Variants in EXOC6B observed in about 807,000 individuals in gnomAD.
EXOC6B encodes the protein SEC15 homolog B.
A neutral mutation model predicts 113.5 loss-of-function variants in EXOC6B; 54 were observed. The observed-to-expected ratio is 0.48, with a 90% confidence interval of 0.38 to 0.60. The LOEUF (loss-of-function observed/expected upper bound fraction) is 0.60, where lower values mean the gene tolerates loss of function less well. Ranked by LOEUF, EXOC6B falls within the 20% of genes least tolerant of loss-of-function variation. EXOC6B has a pLI of 0.00. For missense variants in EXOC6B, 797 were observed against 977.5 expected, an observed-to-expected ratio of 0.82 and a Z score of 2.46; for synonymous variants, 357 against 339.0, an observed-to-expected ratio of 1.05 and a Z score of -0.58.
chr2:72,770,919 C>A (rs577399283), intron 1 of EXOC6B, among the ~76,000 whole-genome samples: 1 of 152,116 alleles, frequency 6.6e-6, no homozygotes, highest in Non-Finnish European at 1.5e-5. Flanking sequence ...TTAGATATGG[C>A]TTCATGGTAG....
At chr2:72,238,958 G>C (rs1682136129) in intron 20 of EXOC6B, among the ~76,000 whole-genome samples, 1 of 152,090 alleles carries the variant, frequency 6.6e-6, no homozygotes, top group African/African-American at 2.4e-5. Context: ...GAGTGCAGTG[G>C]AGCAATCACA....
chr2:72,315,798 G>A (rs1361369235), intron 20 of EXOC6B, among the ~76,000 whole-genome samples: 2 of 152,078 alleles, frequency 1.3e-5, no homozygotes, highest in East Asian at 3.9e-4. Flanking sequence ...GGGCAATGGG[G>A]AAATCGGGAA....
At chr2:72,621,864 G>A (rs1286898964) in intron 6 of EXOC6B, among the ~76,000 whole-genome samples, 1 of 152,046 alleles carries the variant, frequency 6.6e-6, no homozygotes, top group African/African-American at 2.4e-5. Flanking sequence ...TCCTGGAAAA[G>A]CATTGTCGGA....
chr2:72,583,721 T>C, intron 6 of EXOC6B, among the ~76,000 whole-genome samples: 1 of 138,714 alleles, frequency 7.2e-6, no homozygotes, highest in South Asian at 2.1e-4. Flanking sequence ...GTTTTTTTTG[T>C]TTTTGTTTTT....
intron 20 of EXOC6B, among the ~76,000 whole-genome samples, chr2:72,212,211 A>C (rs1330860966): frequency 6.6e-6 from 1 of 152,156 alleles, no homozygotes; most frequent in Non-Finnish European, 1.5e-5. Context: ...AGATGTAAGG[A>C]GCAAAAACAT....
chr2:72,536,297 GTTTGT>G (rs1558772326), intron 8 of EXOC6B, among the ~76,000 whole-genome samples: 1 of 151,950 alleles, frequency 6.6e-6, no homozygotes, highest in African/African-American at 2.4e-5. Flanking sequence ...GTATTATTGA[GTTTGT>G]TTTAATTTAT....
intron 1 of EXOC6B, among the ~76,000 whole-genome samples, chr2:72,752,113 T>C (rs986512658): frequency 2.0e-5 from 3 of 152,148 alleles, no homozygotes; most frequent in African/African-American, 7.2e-5. Flanking sequence ...TTCCAAACTG[T>C]CACCATTCTC....
At chr2:72,726,242 T>A (rs1463440417) in intron 5 of EXOC6B, among the ~76,000 whole-genome samples, 1 of 152,142 alleles carries the variant, frequency 6.6e-6, no homozygotes, top group East Asian at 1.9e-4. Flanking sequence ...GAGGAATGGG[T>A]ACCCTTTTTG....
chr2:72,679,552 G>A (rs1381036959), intron 6 of EXOC6B, among the ~76,000 whole-genome samples: 1 of 152,184 alleles, frequency 6.6e-6, no homozygotes, highest in Non-Finnish European at 1.5e-5. Context: ...AAGGAAGGAA[G>A]TTTGGCAGAA....
At chr2:72,375,550 A>C (rs1453859780) in intron 19 of EXOC6B, among the ~76,000 whole-genome samples, 1 of 152,206 alleles carries the variant, frequency 6.6e-6, no homozygotes, top group East Asian at 1.9e-4. Flanking sequence ...AGTAAACAAC[A>C]CATTTCCAAA....
chr2:72,412,587 C>T (rs1272450212), intron 18 of EXOC6B, among the ~76,000 whole-genome samples: 2 of 152,208 alleles, frequency 1.3e-5, no homozygotes, highest in Non-Finnish European at 2.9e-5. Context: ...ATCAAGGAGA[C>T]ACTTTTGCCA....
chr2:72,290,004 C>T (rs1224176092), intron 20 of EXOC6B, among the ~76,000 whole-genome samples: 2 of 152,192 alleles, frequency 1.3e-5, no homozygotes, highest in African/African-American at 4.8e-5. Flanking sequence ...TTGACTACCT[C>T]TGAGCTGAGG....
At chr2:72,770,661 A>C (rs1016853944) in intron 1 of EXOC6B, among the ~76,000 whole-genome samples, 29 of 152,172 alleles carry the variant, frequency 1.9e-4, no homozygotes, top group Non-Finnish European at 3.8e-4. Flanking sequence ...CAAATGAGAG[A>C]TTATGGGCCA....
At chr2:72,605,316 G>T (rs1670689637) in intron 6 of EXOC6B, among the ~76,000 whole-genome samples, 1 of 149,098 alleles carries the variant, frequency 6.7e-6, no homozygotes, top group African/African-American at 2.5e-5. Flanking sequence ...AAAAGAAAAA[G>T]AATCTCCAAC....
At chr2:72,404,452 A>G (rs1190345570) in intron 18 of EXOC6B, among the ~76,000 whole-genome samples, 1 of 152,020 alleles carries the variant, frequency 6.6e-6, no homozygotes, top group Non-Finnish European at 1.5e-5. Context: ...ACTGGAAGGC[A>G]CCCCCCAGTA....
chr2:72,474,122 A>G (rs1252621123), intron 17 of EXOC6B, among the ~76,000 whole-genome samples: 1 of 151,872 alleles, frequency 6.6e-6, no homozygotes, highest in Non-Finnish European at 1.5e-5. Flanking sequence ...GTTTCTTCTG[A>G]GAAATCCACT....
intron 20 of EXOC6B, among the ~76,000 whole-genome samples, chr2:72,201,116 T>C (rs781533399): frequency 1.2e-4 from 19 of 152,094 alleles, no homozygotes; most frequent in Non-Finnish European, 1.0e-4. Context: ...ACACACATAC[T>C]AGGCATACAT....
intron 20 of EXOC6B, among the ~76,000 whole-genome samples, chr2:72,188,483 T>G (rs1277796974): frequency 6.6e-6 from 1 of 152,176 alleles, no homozygotes. Flanking sequence ...TGGCCTTCTC[T>G]GAGACAGATG....
chr2:72,211,155 A>G (rs1290404163), intron 20 of EXOC6B, among the ~76,000 whole-genome samples: 2 of 152,178 alleles, frequency 1.3e-5, no homozygotes, highest in African/African-American at 2.4e-5. Flanking sequence ...CTCATTCCTC[A>G]GTGGACCAGT....
Sources: allele counts gnomAD v4.1 joint callset (sites outside exome capture counted in the v4.1 genomes callset), GRCh38; gene constraint gnomAD v4.1.1; transcripts MANE v1.5; gene names NCBI Gene and HGNC (gene_info 2026-07-23, HGNC 2026-07-21).